Variants in YEATS2 observed in about 807,000 individuals in gnomAD.
YEATS2 encodes YEATS domain containing 2.
In YEATS2, 77 loss-of-function variants were observed where a neutral mutation model predicts 163.2. The ratio of observed to expected loss-of-function variants is 0.47; its 90% CI spans 0.39 to 0.57. The LOEUF is 0.57. Among genes scored for constraint, YEATS2 ranks in the 20% least tolerant of loss-of-function variants. The pLI, the probability that YEATS2 is intolerant of heterozygous loss-of-function variation, is 0.00. For synonymous variants in YEATS2, 631 were observed against 645.1 expected (o/e 0.98, Z 0.33); for missense variants, 1,549 against 1,729.8 (o/e 0.90, Z 1.85).
rs778112046 is a variant in YEATS2, at chr3:183,772,323, G to C, written c.1966G>C (p.Gly656Arg). The change falls in exon 16 of 31, where the codon GGG becomes CGG. Residue 656 changes from glycine to arginine, a missense_variant. Transcript: ENST00000305135. ...TGAACAGGTTGTCGGGGTACCAGTTGGGTCTGCTTTACCTTCAACAGTGAA... is the reference window on the plus strand; with the variant it reads ...TGAACAGGTTGTCGGGGTACCAGTTCGGTCTGCTTTACCTTCAACAGTGAA... Reference protein sequence around the residue: ...QPSKVVGVPVGSALPSTVKQA... With the variant: ...QPSKVVGVPVRSALPSTVKQA... The C allele has an allele frequency of 3.7e-6, 6 of 1,613,850 alleles. No homozygotes were observed. Among genetic ancestry groups the C allele is most frequent in the Non-Finnish European group, 5.1e-6 (6 of 1,180,040 alleles).
In YEATS2 at chr3:183,777,682, A is replaced by G. The variant is rs776695972; in HGVS notation, c.2718A>G (p.Lys906=). 3 of 1,614,082 alleles carry G rather than the reference A, an allele frequency of 1.9e-6. No individual in the cohort carries two copies. The African/African-American group carries it at 4.0e-5, about 22-fold the overall frequency. The change falls in exon 19 of 31, where the codon AAA becomes AAG. Residue 906 remains lysine (K), a synonymous_variant. Coordinates refer to ENST00000305135, the MANE Select transcript of YEATS2 (RefSeq NM_018023.5). The part of the protein sequence containing the change: ...QQTLKVISGQ[K]TTLFTQAAHG... ...CGCTAAAAGTCATCTCTGGACAGAA[A>G]ACCACATTGTTTACACAGGTAAATA...
At chr3:183,776,165 TG>T in intron 18 of YEATS2, 42 bp downstream of exon 18, 2 of 1,501,708 alleles carry the variant, frequency 1.3e-6, no homozygotes, top group Non-Finnish European at 8.9e-7. Context: ...ATTTAGCTAT[TG>T]GATAACTATG....
chr3:183,751,948 ATTGCCT>A (rs1720208326), intron 9 of YEATS2, 119 bp from the exon 10 acceptor site: 1 of 1,019,426 alleles, frequency 9.8e-7, no homozygotes, highest in African/African-American at 1.6e-5. Context: ...TCAGATTGAA[ATTGCCT>A]TTGAAGTGTG....
chr3:183,807,472 C>T (rs1173355785), intron 28 of YEATS2: 3 of 282,012 alleles, frequency 1.1e-5, no homozygotes, highest in Non-Finnish European at 2.1e-5. Context: ...AGTTGCACGT[C>T]AGCGCGTAAT....
Position 183,756,535 on chromosome 3 carries a change from A to G in YEATS2, c.1398A>G (p.Pro466=). The stretch of plus-strand genomic sequence containing the variant: ...CTCTTTTTAATTAATAAGGTTCCCC[A>G]ATATCAACTCCAAGCCCATCACCAT... The part of the protein sequence containing the change: ...TMSCKIVSGS[P]ISTPSPSPLP... Residue 466 remains proline (P), a synonymous_variant, in exon 12 of 31, where the codon CCA becomes CCG. Transcript: ENST00000305135. 1 of 1,548,628 alleles carries G rather than the reference A, an allele frequency of 6.5e-7. No homozygotes were observed. The highest frequency in any genetic ancestry group is 8.7e-7 in the Non-Finnish European group (1 of 1,151,618).
chr3:183,766,710 T>TTTTTG (rs1204153013), intron 15 of YEATS2, among the ~76,000 whole-genome samples: 6 of 152,138 alleles, frequency 3.9e-5, no homozygotes, highest in Non-Finnish European at 8.8e-5. Context: ...CTTGTGGGTT[T>TTTTTG]TTTTGTTTTG....
intron 14 of YEATS2, 137 bp from the exon 15 acceptor site, chr3:183,761,960 T>C: frequency 8.5e-7 from 1 of 1,173,702 alleles, no homozygotes; most frequent in Non-Finnish European, 1.2e-6. Flanking sequence ...TATTTACCCT[T>C]CTGGTGGAGT....
At chr3:183,805,799 G>T (rs185823233) in intron 27 of YEATS2, among the ~76,000 whole-genome samples, 2 of 151,830 alleles carry the variant, frequency 1.3e-5, no homozygotes, top group Admixed American at 6.6e-5. Context: ...AAAAAAAAAG[G>T]GGGGGCAAGT....
chr3:183,791,502 A>C (rs1724650675), intron 21 of YEATS2, among the ~76,000 whole-genome samples: 1 of 152,190 alleles, frequency 6.6e-6, no homozygotes. Flanking sequence ...TTACTATTTG[A>C]ATTTTTGAAT....
chr3:183,754,408 A>T (rs557540165), intron 11 of YEATS2, 43 bp downstream of exon 11: 7 of 1,548,338 alleles, frequency 4.5e-6, no homozygotes, highest in Non-Finnish European at 6.1e-6. Flanking sequence ...AGTTGACTGG[A>T]TGTTAAAATT....
chr3:183,757,684 A>G (rs1371418444), intron 12 of YEATS2, among the ~76,000 whole-genome samples: 3 of 152,236 alleles, frequency 2.0e-5, no homozygotes, highest in African/African-American at 7.2e-5. Context: ...AGGGATGATT[A>G]TAAGATAATG....
In YEATS2 at chr3:183,800,584, T is replaced by A; in HGVS notation, c.3428+16T>A. ...ATGTCATTAAGTAATTCTTCCAATC[T>A]TTCCTAAAGGAATTCCGCTTCGGGT... is the stretch of plus-strand genomic sequence containing the variant. On this transcript the variant is annotated intron_variant, in intron 24 of 30. Transcript: ENST00000305135. 1.2e-6 allele frequency: 2 copies of A among 1,605,826 alleles called. No homozygotes were observed. Among genetic ancestry groups the A allele is most frequent in the Non-Finnish European group, 1.7e-6 (2 of 1,173,108 alleles).
At chr3:183,717,852 C>A in intron 3 of YEATS2, 104 bp downstream of exon 3, 1 of 523,774 alleles carries the variant, frequency 1.9e-6, no homozygotes, top group Non-Finnish European at 2.9e-6. Flanking sequence ...GCTTTATCCT[C>A]CTCTTTGCTT....
chr3:183,760,326 T>G (rs1419176905), intron 13 of YEATS2, among the ~76,000 whole-genome samples: 5 of 146,732 alleles, frequency 3.4e-5, no homozygotes, highest in South Asian at 2.2e-4. Context: ...TTTTTTTTTT[T>G]TTTTTTTTTT....
In YEATS2 at chr3:183,772,438, C is replaced by T; in HGVS notation, c.2081C>T (p.Thr694Ile). ...SKAVGPKQVV[T>I]QGVAKAIVSG... ...GCAGTTGGGCCAAAGCAAGTTGTAA[C>T]CCAAGGAGTTGCCAAAGCAATTGTG... Residue 694 changes from threonine to isoleucine, a missense_variant, in exon 16 of 31, where the codon ACC (threonine) becomes ATC (isoleucine). Transcript: ENST00000305135. 1 of 1,614,142 alleles carries T rather than the reference C, an allele frequency of 6.2e-7. No individual in the cohort carries two copies. The highest frequency in any genetic ancestry group is 8.5e-7 in the Non-Finnish European group (1 of 1,180,040).
At chr3:183,714,099 G>A (rs186412347) in intron 1 of YEATS2, among the ~76,000 whole-genome samples, 75 of 151,962 alleles carry the variant, frequency 4.9e-4, no homozygotes, top group Admixed American at 3.1e-3. Flanking sequence ...GACCACACCC[G>A]GCCCATAATT....
chr3:183,805,469 C>T (rs1435841107), intron 27 of YEATS2, among the ~76,000 whole-genome samples: 2 of 151,932 alleles, frequency 1.3e-5, no homozygotes, highest in Non-Finnish European at 2.9e-5. Context: ...AGCTCCACCC[C>T]TCCTGTCCAA....
chr3:183,802,540 T>A (rs932373106), intron 25 of YEATS2: 1 of 151,796 alleles, frequency 6.6e-6, no homozygotes, highest in African/African-American at 2.4e-5. Flanking sequence ...CACGTGTATA[T>A]ACACACACAC....
chr3:183,724,982 A>T (rs945245257), intron 6 of YEATS2, among the ~76,000 whole-genome samples: 1 of 146,120 alleles, frequency 6.8e-6, no homozygotes, highest in African/African-American at 2.5e-5. Context: ...ACCTCAGGTG[A>T]TCCATCCACC....
Sources: gnomAD v4.1 joint callset for allele counts (sites outside exome capture counted in the v4.1 genomes callset) on GRCh38, gnomAD v4.1.1 for gene constraint, MANE v1.5 for transcripts, NCBI Gene and HGNC (gene_info 2026-07-23, HGNC 2026-07-21) for gene names.